Variants in GRID2 observed in about 807,000 individuals in gnomAD.
The protein encoded by GRID2 is glutamate receptor ionotropic, delta-2.
Under a neutral mutation model 114.8 loss-of-function variants are expected in GRID2, and 33 were observed. The observed-to-expected ratio is 0.29, with a 90% CI of 0.22 to 0.38. The LOEUF is 0.38. GRID2 is among the 10% of genes least tolerant of loss of function. The pLI, the probability that GRID2 is intolerant of heterozygous loss-of-function variation, is 1.00. For missense variants in GRID2, 1,184 were observed against 1,257.7 expected (o/e 0.94, Z 0.89); for synonymous variants, 505 against 449.9 (o/e 1.12, Z -1.55).
chr4:93,530,174 ATAAC>A (rs1005418404), intron 13 of GRID2, among the ~76,000 whole-genome samples: 22 of 152,134 alleles, frequency 1.4e-4, no homozygotes, highest in African/African-American at 3.9e-4. Flanking sequence ...GACTACAGAA[ATAAC>A]TAACTAATTG....
intron 2 of GRID2, among the ~76,000 whole-genome samples, chr4:92,776,443 T>C (rs908415822): frequency 6.6e-6 from 1 of 151,990 alleles, no homozygotes; most frequent in Non-Finnish European, 1.5e-5. Flanking sequence ...CATCCACACA[T>C]ACAGCTACCC....
At chr4:92,678,208 C>G (rs1231756260) in intron 2 of GRID2, among the ~76,000 whole-genome samples, 1 of 152,074 alleles carries the variant, frequency 6.6e-6, no homozygotes, top group East Asian at 1.9e-4. Context: ...TATCTATCAG[C>G]CTTCTCTGCT....
downstream of GRID2, chr4:93,774,703 G>T (rs1018643294): frequency 6.6e-6 from 1 of 152,074 alleles, no homozygotes; most frequent in East Asian, 1.9e-4. Context: ...ATGCCAAAAT[G>T]AATGGCTCTC....
intron 1 of GRID2, among the ~76,000 whole-genome samples, chr4:92,553,865 T>C (rs1396213068): frequency 6.6e-6 from 1 of 152,026 alleles, no homozygotes. Flanking sequence ...TTAGCCAGAG[T>C]GGTCTTGATC....
intron 2 of GRID2, among the ~76,000 whole-genome samples, chr4:92,976,598 C>T (rs541418673): frequency 2.6e-5 from 4 of 152,216 alleles, no homozygotes; most frequent in South Asian, 2.1e-4. Flanking sequence ...CACTTCCCAA[C>T]TTGCCTATTG....
intron 1 of GRID2, among the ~76,000 whole-genome samples, chr4:92,326,088 C>A (rs1336637193): frequency 1.3e-5 from 2 of 151,772 alleles, no homozygotes; most frequent in Non-Finnish European, 3.0e-5. Flanking sequence ...GCATTTAATT[C>A]TCCTGGCAGT....
intron 5 of GRID2, among the ~76,000 whole-genome samples, chr4:93,215,203 A>G (rs1449279989): frequency 6.6e-6 from 1 of 151,954 alleles, no homozygotes; most frequent in African/African-American, 2.4e-5. Context: ...TAAAATGTTG[A>G]TAAATCTTAG....
At chr4:93,570,398 G>A (rs376377091) in intron 13 of GRID2, among the ~76,000 whole-genome samples, 1 of 152,200 alleles carries the variant, frequency 6.6e-6, no homozygotes, top group African/African-American at 2.4e-5. Context: ...TGAGGAAGGA[G>A]AAAAATAGGA....
chr4:92,854,990 A>G (rs1461760981), intron 2 of GRID2, among the ~76,000 whole-genome samples: 1 of 152,100 alleles, frequency 6.6e-6, no homozygotes, highest in Non-Finnish European at 1.5e-5. Context: ...AATATAAATT[A>G]TAGTCACCAA....
At chr4:93,737,993 G>T (rs1220579676) in intron 14 of GRID2, among the ~76,000 whole-genome samples, 1 of 152,122 alleles carries the variant, frequency 6.6e-6, no homozygotes, top group Non-Finnish European at 1.5e-5. Context: ...TTCAGGTGTG[G>T]CCATATGACT....
chr4:92,675,847 C>T (rs1051685194), intron 2 of GRID2, among the ~76,000 whole-genome samples: 35 of 152,202 alleles, frequency 2.3e-4, no homozygotes, highest in Middle Eastern at 3.4e-3. Context: ...AGCTACCACG[C>T]CTGGCCTGAG....
intron 2 of GRID2, among the ~76,000 whole-genome samples, chr4:93,040,898 A>G (rs1434487517): frequency 6.6e-6 from 1 of 152,102 alleles, no homozygotes; most frequent in African/African-American, 2.4e-5. Flanking sequence ...CTACTTTTGC[A>G]TTCTATCTTT....
intron 2 of GRID2, among the ~76,000 whole-genome samples, chr4:92,756,456 T>A (rs1737724772): frequency 6.6e-6 from 1 of 152,162 alleles, no homozygotes; most frequent in African/African-American, 2.4e-5. Context: ...TTAAGATAAA[T>A]ATGTAGTAGT....
chr4:93,553,459 A>G (rs1271862907), intron 13 of GRID2, among the ~76,000 whole-genome samples: 1 of 152,220 alleles, frequency 6.6e-6, no homozygotes, highest in African/African-American at 2.4e-5. Flanking sequence ...TACGTATTAT[A>G]GTTCATCTTG....
intron 10 of GRID2, among the ~76,000 whole-genome samples, chr4:93,434,109 G>A (rs1720838055): frequency 6.6e-6 from 1 of 152,184 alleles, no homozygotes. Flanking sequence ...TTGTGAAGAT[G>A]AACCAAGAAA....
chr4:93,735,277 A>G (rs1209149194), intron 14 of GRID2, among the ~76,000 whole-genome samples: 1 of 152,060 alleles, frequency 6.6e-6, no homozygotes, highest in Non-Finnish European at 1.5e-5. Flanking sequence ...GTGTTCATCC[A>G]ATGTGTCCCA....
At chr4:93,407,742 C>CTCCTCCTCG (rs1766627610) in intron 9 of GRID2, among the ~76,000 whole-genome samples, 1 of 127,860 alleles carries the variant, frequency 7.8e-6, no homozygotes, top group Non-Finnish European at 1.6e-5. Context: ...CCTCCTCCTC[C>CTCCTCCTCG]TCCTCCTCCT....
chr4:92,881,473 A>G (rs1746006507), intron 2 of GRID2, among the ~76,000 whole-genome samples: 1 of 152,226 alleles, frequency 6.6e-6, no homozygotes, highest in African/African-American at 2.4e-5. Context: ...AGTGCAATAT[A>G]AAGACAAAAG....
chr4:92,682,942 C>G lies in GRID2; in HGVS notation c.244+92656C>G, dbSNP rs75572654. ...ATGCTTGTAGCCACAGGCATCAAAA[C>G]TGATATGAAAAATAACAAATTGGTT... On this transcript the variant is annotated intron_variant, in intron 2 of 15. Coordinates refer to ENST00000282020, the MANE Select transcript of GRID2 (RefSeq NM_001510.4). Among the ~76,000 whole-genome samples, 682 of 152,186 alleles carry G rather than the reference C, an allele frequency of 4.5e-3. 4 individuals carry two copies. Among genetic ancestry groups the G allele is most frequent in the African/African-American group, 0.016 (655 of 41,522 alleles).
Sources: allele counts gnomAD v4.1 joint callset (sites outside exome capture counted in the v4.1 genomes callset), GRCh38; gene constraint gnomAD v4.1.1; transcripts MANE v1.5; gene names NCBI Gene and HGNC (gene_info 2026-07-23, HGNC 2026-07-21).